Variants in SETD7 observed in about 807,000 individuals in gnomAD.
SETD7 encodes histone-lysine N-methyltransferase SETD7.
In SETD7, 16 loss-of-function variants were observed where a neutral mutation model predicts 41.8. That is an observed-to-expected ratio of 0.38 (90% CI 0.26 to 0.58). SETD7 has a LOEUF of 0.58. Ranked by LOEUF, SETD7 falls within the 20% of genes least tolerant of loss-of-function variation. The pLI is 0.64. For missense variants in SETD7, 346 were observed against 459.7 expected (o/e 0.75, Z 2.26); for synonymous variants, 163 against 169.7 (o/e 0.96, Z 0.31).
At chr4:139,548,099 G>T (rs1728012147) in intron 1 of SETD7, 1 of 152,106 alleles carries the variant, frequency 6.6e-6, no homozygotes, top group African/African-American at 2.4e-5. Context: ...TATTCTACTG[G>T]CTTTTTCTTG....
At chr4:139,541,862 A>G (rs1727788129) in intron 2 of SETD7, among the ~76,000 whole-genome samples, 1 of 152,234 alleles carries the variant, frequency 6.6e-6, no homozygotes, top group Non-Finnish European at 1.5e-5. Flanking sequence ...CAGGTAAACA[A>G]TGTACATTTT....
Position 139,511,729 on chromosome 4 carries a change from A to T in SETD7, c.1035T>A (p.Ser345Arg). 6.2e-7 allele frequency: 1 copy of T among 1,613,786 alleles called. No homozygotes were observed. The highest frequency in any genetic ancestry group is 8.5e-7 in the Non-Finnish European group (1 of 1,179,954). Reference sequence around the variant, plus strand: ...GGTACCACTCAGGGGCTTCAGGCCCACTCTTCCCGGGGGGGCTGTGGTCAT... The same window carrying T: ...GGTACCACTCAGGGGCTTCAGGCCCTCTCTTCCCGGGGGGGCTGTGGTCAT... ...YGYDHSPPGK[S>R]GPEAPEWYQV... Residue 345 changes from serine (S) to arginine (R), a missense_variant, in exon 8 of 8, where the codon AGT (serine) becomes AGA (arginine). Ser to Arg is a moderately radical substitution (Grantham distance 110, BLOSUM62 -1). Around this residue, in one of 3 missense-constraint regions of SETD7, gnomAD observed 75 missense variants for 65.5 expected, o/e 1.14. Transcript: ENST00000274031.
intron 6 of SETD7, among the ~76,000 whole-genome samples, chr4:139,518,565 G>A (rs1286474562): frequency 1.3e-5 from 2 of 151,786 alleles, no homozygotes; most frequent in South Asian, 2.1e-4. Context: ...ATTTTTCCTT[G>A]TTCTATATGA....
chr4:139,518,177 G>C (rs190863478), intron 6 of SETD7, 135 bp from the exon 7 acceptor site: 329 of 950,336 alleles, frequency 3.5e-4, no homozygotes, highest in Admixed American at 6.0e-4. Flanking sequence ...ACCTAGGCTG[G>C]AGCGCAAGTA....
chr4:139,498,641 A>C (rs2111107140), intron 7 of SETD7, among the ~76,000 whole-genome samples: 1 of 152,322 alleles, frequency 6.6e-6, no homozygotes, highest in East Asian at 1.9e-4. Flanking sequence ...CCTCAGAGGC[A>C]GCTTCAGGAG....
intron 2 of SETD7, among the ~76,000 whole-genome samples, chr4:139,545,421 C>T (rs1350209804): frequency 1.3e-5 from 2 of 152,070 alleles, no homozygotes; most frequent in Non-Finnish European, 2.9e-5. Flanking sequence ...GCCAACATGC[C>T]CAGGCCAATA....
Position 139,498,745 on chromosome 4 carries a change from C to T in SETD7, c.921-2224G>A, listed in dbSNP as rs1050109589. ...TAGACCCCAAGGCAGATCCTGCCAACCAGAACTATTTTTCCCCAAAGCCAG... is the reference window on the plus strand; with the variant it reads ...TAGACCCCAAGGCAGATCCTGCCAATCAGAACTATTTTTCCCCAAAGCCAG... On this transcript the variant is annotated intron_variant, in intron 7 of 7. Transcript: ENST00000506866. Among the ~76,000 whole-genome samples, 4 of 152,294 alleles carry T rather than the reference C, an allele frequency of 2.6e-5. No homozygotes were observed. The South Asian group carries it at 8.3e-4, about 32-fold the overall frequency.
At chr4:139,512,358 A>G (rs917008655) in intron 7 of SETD7, among the ~76,000 whole-genome samples, 6 of 152,206 alleles carry the variant, frequency 3.9e-5, no homozygotes, top group African/African-American at 1.4e-4. Context: ...ATTCCACCCT[A>G]TACATAGAGA....
intron 4 of SETD7, among the ~76,000 whole-genome samples, chr4:139,524,013 C>T (rs1190684123): frequency 6.6e-6 from 1 of 152,210 alleles, no homozygotes; most frequent in Admixed American, 6.5e-5. Context: ...AGAAGGAACA[C>T]TGGCTCTCTG....
At chr4:139,518,538 G>A (rs550871834) in intron 6 of SETD7, among the ~76,000 whole-genome samples, 3 of 152,110 alleles carry the variant, frequency 2.0e-5, no homozygotes, top group Admixed American at 6.5e-5. Context: ...CAGGCAGCTC[G>A]ACTTAACTAT....
intron 1 of SETD7, among the ~76,000 whole-genome samples, chr4:139,548,914 A>G (rs1444852557): frequency 6.6e-6 from 1 of 152,202 alleles, no homozygotes; most frequent in Non-Finnish European, 1.5e-5. Flanking sequence ...ATTGTACATG[A>G]CATAAATTCA....
chr4:139,535,186 ATG>A (rs10601915), intron 2 of SETD7, among the ~76,000 whole-genome samples: 4,673 of 152,286 alleles, frequency 0.031, 250 homozygotes, highest in African/African-American at 0.1. Context: ...GATGTAATTT[ATG>A]TAGTGCAAGA....
downstream of SETD7, among the ~76,000 whole-genome samples, chr4:139,502,085 G>A (rs1726591152): frequency 6.6e-6 from 1 of 152,188 alleles, no homozygotes; most frequent in African/African-American, 2.4e-5. Flanking sequence ...GCTAGAAATT[G>A]CAAGGCTGGG....
chr4:139,508,067 G>A lies in SETD7; in HGVS notation c.*3596C>T, dbSNP rs890783139. ...TTTTTATATATTAAATGAAATTTAC[G>A]AAAAGTGCCACATACTGTCTCCTGG... On this transcript the variant is annotated 3_prime_UTR_variant, in exon 8 of 8. Transcript: ENST00000274031. 8 of 152,162 alleles carry A rather than the reference G, an allele frequency of 5.3e-5. No homozygotes were observed. The highest frequency in any genetic ancestry group is 2.1e-4 in the South Asian group (1 of 4,830). The allele number at this position is 152,162 out of a possible 1,614,324, so 9.4% of individuals were successfully genotyped here.
At position 139,555,961 on chromosome 4, in the gene SETD7, G is replaced by T; in HGVS notation, c.40+137C>A. ...GACCGTGGCTGTCGGGCCCCCGCCC[G>T]AGCCGGGCAACCGGCCACCCGTGTA... On this transcript the variant is annotated intron_variant, in intron 1 of 7. Coordinates refer to ENST00000274031, the MANE Select transcript of SETD7 (RefSeq NM_030648.4). This position sits in a 1 kb window ranked among gnomAD's most constrained non-coding sequence, Gnocchi z 4.0. 3 of 759,140 alleles carry T rather than the reference G, an allele frequency of 4.0e-6. No homozygotes were observed. The highest frequency in any genetic ancestry group is 1.2e-4 in the South Asian group (2 of 16,214). 47.0% of individuals were successfully genotyped at this position (759,140 alleles called of 1,614,324 possible). A position where few individuals can be genotyped will look rare whatever the true frequency, so the allele number is the denominator to read the frequency against.
Position 139,533,279 on chromosome 4 carries a change from A to G in SETD7, c.258T>C (p.Tyr86=). 6.2e-7 allele frequency: 1 copy of G among 1,614,150 alleles called. No individual in the cohort carries two copies. Among genetic ancestry groups the G allele is most frequent in the East Asian group, 2.2e-5 (1 of 44,878 alleles). ...YEDGGVLQGT[Y]VDGELNGPAQ... ...CTGGACCGTTCAGCTCTCCGTCTAC[A>G]TACGTGCCCTGGAGAACTCCCCCAT... The change falls in exon 3 of 8, where the codon TAT becomes TAC. Residue 86 remains tyrosine (Y), a synonymous_variant. Transcript: ENST00000274031.
At position 139,537,336 on chromosome 4, in the gene SETD7, C is replaced by T. The variant is rs564827328; in HGVS notation, c.171-3970G>A. On this transcript the variant is annotated intron_variant, in intron 2 of 7. Coordinates refer to ENST00000274031, the MANE Select transcript of SETD7 (RefSeq NM_030648.4). ...CTTGTATCCATTAAAATGTTAATAT[C>T]GGGTCATATTTGAAAAGTGGGTACA... 2.6e-5 allele frequency among the ~76,000 whole-genome samples: 4 copies of T among 152,244 alleles called. No individual in the cohort carries two copies. In the East Asian group the frequency reaches 7.7e-4, roughly 29 times the overall value.
intron 1 of SETD7, among the ~76,000 whole-genome samples, chr4:139,551,264 C>T (rs964132873): frequency 2.6e-5 from 4 of 152,276 alleles, no homozygotes; most frequent in Non-Finnish European, 5.9e-5. Flanking sequence ...TCCCACTGAA[C>T]AGAGGGTGAA....
intron 7 of SETD7, among the ~76,000 whole-genome samples, chr4:139,512,823 T>A (rs1317276034): frequency 3.4e-5 from 5 of 149,232 alleles, no homozygotes; most frequent in Non-Finnish European, 7.4e-5. Context: ...AGTGGCATGA[T>A]CTTGGCTCAC....
Sources: gnomAD v4.1 joint callset for allele counts (sites outside exome capture counted in the v4.1 genomes callset) on GRCh38, gnomAD v4.1.1 for gene constraint, gnomAD v4.1.1 regional missense constraint, Gnocchi (gnomAD v3.1) non-coding constraint, MANE v1.5 for transcripts, NCBI Gene and HGNC (gene_info 2026-07-23, HGNC 2026-07-21) for gene names.